Variants in ABLIM1 observed in about 807,000 individuals in gnomAD.
ABLIM1 encodes actin binding LIM protein 1.
ABLIM1 carries 40 observed loss-of-function variants against 107.0 expected under a neutral mutation model. The ratio of observed to expected loss-of-function variants is 0.37; its 90% CI spans 0.29 to 0.49. ABLIM1 has a LOEUF of 0.49. Among genes scored for constraint, ABLIM1 ranks in the 20% least tolerant of loss-of-function variants. The probability of loss-of-function intolerance (pLI) is 0.97; values close to 1 mark genes in which losing one functional copy is unlikely to be tolerated. For missense variants in ABLIM1, 857 were observed against 1,008.5 expected, an observed-to-expected ratio of 0.85 and a Z score of 2.04; for synonymous variants, 357 against 357.3, an observed-to-expected ratio of 1.00 and a Z score of 0.01.
rs371160812 is a variant in ABLIM1, at chr10:114,758,498, A to C, written c.-213+9563T>G. ...AAAAAAATTCTCCCTGGAATCCATT[A>C]GAGATTGCCAACCCCAAACCTCTTT... is the stretch of plus-strand genomic sequence containing the variant. On this transcript the variant is annotated intron_variant, in intron 1 of 15. Transcript: ENST00000651092. Among the ~76,000 whole-genome samples, 13 of 152,334 alleles carry C rather than the reference A, an allele frequency of 8.5e-5. 1 individual carries two copies. The South Asian group carries it at 2.5e-3, about 29-fold the overall frequency.
At chr10:114,773,094 G>A in the ABLIM1 span, among the ~76,000 whole-genome samples, 1 of 151,960 alleles carries the variant, frequency 6.6e-6, no homozygotes. Context: ...AATAGGATAA[G>A]AAGATCTAAT....
In ABLIM1 at chr10:114,551,249, G is replaced by A. The variant is rs116821061; in HGVS notation, c.674-3473C>T. On this transcript the variant is annotated intron_variant, in intron 4 of 22. Transcript: ENST00000533213. The stretch of plus-strand genomic sequence containing the variant: ...CACTCAATAGACTCCCTTTTTCCTC[G>A]GTTAGGAGCAGTTAGGTCTTGGGCT... 6.3e-3 allele frequency among the ~76,000 whole-genome samples: 955 copies of A among 152,322 alleles called. 10 individuals are homozygous for A. The highest frequency in any genetic ancestry group is 0.021 in the African/African-American group (890 of 41,574).
chr10:114,603,538 C>T (rs7095508), intron 1 of ABLIM1, among the ~76,000 whole-genome samples: 8,309 of 151,228 alleles, frequency 0.055, 755 homozygotes, highest in African/African-American at 0.19. Context: ...CAGTTATTAT[C>T]TAAAGGAATT....
chr10:114,785,379 G>A, the ABLIM1 span, among the ~76,000 whole-genome samples: 2 of 152,128 alleles, frequency 1.3e-5, no homozygotes, highest in African/African-American at 2.4e-5. Context: ...GAAGTCTCTT[G>A]TATTGAAATT....
At chr10:114,729,749 C>A (rs188376686) in intron 1 of ABLIM1, among the ~76,000 whole-genome samples, 1 of 152,142 alleles carries the variant, frequency 6.6e-6, no homozygotes, top group East Asian at 1.9e-4. Context: ...AATGGTTTTG[C>A]CTGTGGTCTA....
chr10:114,552,349 G>A (rs1336718565), intron 4 of ABLIM1, among the ~76,000 whole-genome samples: 3 of 152,182 alleles, frequency 2.0e-5, no homozygotes, highest in African/African-American at 7.2e-5. Flanking sequence ...TGAAGCAGCT[G>A]CTGATAAATA....
intron 1 of ABLIM1, among the ~76,000 whole-genome samples, chr10:114,705,407 C>T (rs1442786323): frequency 2.0e-5 from 3 of 152,106 alleles, no homozygotes; most frequent in Non-Finnish European, 4.4e-5. Context: ...TGCCATGGCT[C>T]ATGAGGGGAT....
chr10:114,549,564 G>A (rs889219728), intron 4 of ABLIM1, among the ~76,000 whole-genome samples: 1 of 151,606 alleles, frequency 6.6e-6, no homozygotes, highest in Non-Finnish European at 1.5e-5. Context: ...TGGCGATCTT[G>A]GACAGTGGGT....
chr10:114,757,506 C>A (rs1028251490), intron 1 of ABLIM1, among the ~76,000 whole-genome samples: 2 of 152,188 alleles, frequency 1.3e-5, no homozygotes, highest in African/African-American at 4.8e-5. Context: ...GCTATCCTCC[C>A]AGTTGCTGAA....
chr10:114,456,809 T>A (rs570190029), intron 12 of ABLIM1, among the ~76,000 whole-genome samples: 1 of 152,222 alleles, frequency 6.6e-6, no homozygotes, highest in East Asian at 1.9e-4. Flanking sequence ...CTCTCAAAGG[T>A]TATGGAGTAG....
chr10:114,602,138 T>C (rs2076060000), intron 1 of ABLIM1, among the ~76,000 whole-genome samples, 177 bp from the exon 2 acceptor site: 1 of 152,168 alleles, frequency 6.6e-6, no homozygotes, highest in Non-Finnish European at 1.5e-5. Context: ...AAGACAGTTG[T>C]GGCTTTGACA....
At chr10:114,788,746 C>CA in the ABLIM1 span, among the ~76,000 whole-genome samples, 4 of 151,160 alleles carry the variant, frequency 2.6e-5, no homozygotes, top group African/African-American at 7.3e-5. Context: ...AACAAACAAA[C>CA]AAACAAAACA....
At position 114,633,728 on chromosome 10, in the gene ABLIM1, C is replaced by T. The variant is rs79874436; in HGVS notation, c.244+24229G>A. On this transcript the variant is annotated intron_variant, in intron 1 of 22. Coordinates refer to ENST00000533213, the MANE Select transcript of ABLIM1 (RefSeq NM_002313.7). ...TTCAAGAGCATCCAGGAAACAAGCC[C>T]TTCACGTTCCCCAATTTTCATGGCT... Among the ~76,000 whole-genome samples the T allele has an allele frequency of 4.2e-3, 643 of 152,272 alleles. 7 individuals carry two copies. The East Asian group carries it at 0.042, about 10-fold the overall frequency.
At chr10:114,742,131 G>T (rs184732737) in intron 1 of ABLIM1, among the ~76,000 whole-genome samples, 164 of 152,260 alleles carry the variant, frequency 1.1e-3, no homozygotes, top group African/African-American at 3.6e-3. Flanking sequence ...TTGGCAGAAA[G>T]CTAGCTTTGA....
chr10:114,473,220 G>A, intron 9 of ABLIM1, 88 bp from the exon 10 acceptor site: 1 of 1,366,686 alleles, frequency 7.3e-7, no homozygotes, highest in South Asian at 1.5e-5. Context: ...TGTTTAAAAA[G>A]TGAAGGCCTT....
intron 2 of ABLIM1, among the ~76,000 whole-genome samples, chr10:114,599,920 G>GA (rs1393616338): frequency 1.3e-5 from 2 of 152,078 alleles, no homozygotes; most frequent in South Asian, 2.1e-4. Flanking sequence ...AAATTTATGA[G>GA]AAAAAATAAA....
At chr10:114,558,431 G>A (rs539600882) in intron 4 of ABLIM1, among the ~76,000 whole-genome samples, 21 of 152,240 alleles carry the variant, frequency 1.4e-4, no homozygotes, top group South Asian at 8.3e-4. Context: ...TTGAGAGTCC[G>A]AGAACTTCTG....
chr10:114,715,766 A>T (rs557255182), intron 1 of ABLIM1, among the ~76,000 whole-genome samples: 6 of 152,360 alleles, frequency 3.9e-5, no homozygotes, highest in African/African-American at 1.2e-4. Context: ...AAAGTTAAAA[A>T]TTGAAGTACA....
chr10:114,783,609 A>T, the ABLIM1 span, among the ~76,000 whole-genome samples: 3 of 152,064 alleles, frequency 2.0e-5, no homozygotes, highest in Non-Finnish European at 4.4e-5. Flanking sequence ...AGATAGAAAG[A>T]AAACCAGGAG....
Sources: gnomAD v4.1 joint callset for allele counts (sites outside exome capture counted in the v4.1 genomes callset) on GRCh38, gnomAD v4.1.1 for gene constraint, MANE v1.5 for transcripts, NCBI Gene and HGNC (gene_info 2026-07-23, HGNC 2026-07-21) for gene names.